Variants in ASTN2 observed in about 807,000 individuals in gnomAD.
The protein encoded by ASTN2 is astrotactin 2.
ASTN2 carries 54 observed loss-of-function variants against 139.8 expected under a neutral mutation model. That is an observed-to-expected ratio of 0.39 (90% CI 0.31 to 0.48). ASTN2 has a LOEUF of 0.48. Ranked by LOEUF, ASTN2 falls within the 20% of genes least tolerant of loss-of-function variation. The pLI, the probability that ASTN2 is intolerant of heterozygous loss-of-function variation, is 0.95. For missense variants in ASTN2, 1,565 were observed against 1,725.1 expected, an observed-to-expected ratio of 0.91 and a Z score of 1.64; for synonymous variants, 756 against 719.5, an observed-to-expected ratio of 1.05 and a Z score of -0.81.
chr9:116,539,008 C>G (rs1851764064), intron 19 of ASTN2, among the ~76,000 whole-genome samples: 1 of 152,120 alleles, frequency 6.6e-6, no homozygotes, highest in South Asian at 2.1e-4. Context: ...TTAAGAAAAA[C>G]AGCAATAAAA....
chr9:116,763,656 ATAGGGT>A (rs1829732939), intron 13 of ASTN2, among the ~76,000 whole-genome samples: 2 of 152,318 alleles, frequency 1.3e-5, no homozygotes, highest in South Asian at 4.1e-4. Flanking sequence ...GCTGTGTGAC[ATAGGGT>A]AAGGTCTTTT....
At chr9:116,543,006 T>TC (rs1369015918) in intron 19 of ASTN2, among the ~76,000 whole-genome samples, 1,853 of 152,162 alleles carry the variant, frequency 0.012, 32 homozygotes, top group African/African-American at 0.043. Flanking sequence ...AAAAAAATCA[T>TC]ATAGTATCTT....
At chr9:117,200,394 A>T (rs1831667544) in intron 3 of ASTN2, among the ~76,000 whole-genome samples, 3 of 152,138 alleles carry the variant, frequency 2.0e-5, no homozygotes, top group Admixed American at 2.0e-4. Flanking sequence ...AACTTATAAT[A>T]CTATGTTAAA....
At chr9:116,836,815 C>G (rs1254458940) in intron 11 of ASTN2, among the ~76,000 whole-genome samples, 1 of 151,928 alleles carries the variant, frequency 6.6e-6, no homozygotes, top group Non-Finnish European at 1.5e-5. Context: ...TGTATTTAGC[C>G]AGAAAAATAG....
intron 11 of ASTN2, among the ~76,000 whole-genome samples, chr9:116,839,886 T>A (rs749820155): frequency 0.21 from 27,697 of 131,856 alleles, 3,292 homozygotes; most frequent in East Asian, 0.48. Context: ...TTATTATTTT[T>A]TTTTTTTTAA....
chr9:117,322,890 G>C (rs2130834164), intron 1 of ASTN2, among the ~76,000 whole-genome samples: 1 of 152,224 alleles, frequency 6.6e-6, no homozygotes, highest in East Asian at 1.9e-4. Context: ...TCCTGTCTCT[G>C]GTGGTGTTAT....
chr9:117,026,475 T>G (rs1055410209), intron 6 of ASTN2, among the ~76,000 whole-genome samples: 3 of 152,136 alleles, frequency 2.0e-5, no homozygotes, highest in Admixed American at 1.3e-4. Context: ...TCATCAACCT[T>G]TCAGGGATCC....
intron 12 of ASTN2, among the ~76,000 whole-genome samples, chr9:116,815,167 T>C (rs753225604): frequency 6.6e-6 from 1 of 152,206 alleles, no homozygotes; most frequent in Non-Finnish European, 1.5e-5. Context: ...GGCCATTGTC[T>C]CTGTTCTGTC....
intron 19 of ASTN2, among the ~76,000 whole-genome samples, chr9:116,560,502 C>T (rs1450852540): frequency 1.3e-5 from 2 of 152,108 alleles, no homozygotes; most frequent in African/African-American, 4.8e-5. Flanking sequence ...TCTCTCTCTC[C>T]TCCCTTCATA....
In ASTN2 at chr9:116,813,609, G is replaced by T. The variant is rs573533557; in HGVS notation, c.2207+7008C>A. 1.1e-3 allele frequency among the ~76,000 whole-genome samples: 168 copies of T among 152,086 alleles called. 1 individual carries two copies. Among genetic ancestry groups the T allele is most frequent in the Non-Finnish European group, 2.0e-3 (138 of 68,022 alleles). On this transcript the variant is annotated intron_variant, in intron 12 of 22. Coordinates refer to ENST00000313400, the MANE Select transcript of ASTN2 (RefSeq NM_001365068.1). ...ATTGTGTACAAACTCTCAAAGCAAA[G>T]TATTTCTTTTTCTCATGTATTTTTT...
intron 17 of ASTN2, among the ~76,000 whole-genome samples, chr9:116,621,623 C>A (rs1044786541): frequency 1.3e-5 from 2 of 152,182 alleles, no homozygotes; most frequent in African/African-American, 4.8e-5. Flanking sequence ...ACCATACCTA[C>A]CAACACATTT....
At chr9:116,850,294 T>G (rs1209639329) in intron 11 of ASTN2, among the ~76,000 whole-genome samples, 3 of 152,188 alleles carry the variant, frequency 2.0e-5, no homozygotes, top group Admixed American at 2.0e-4. Flanking sequence ...ATGGGTGAAG[T>G]GCACATCATC....
intron 16 of ASTN2, among the ~76,000 whole-genome samples, chr9:116,694,717 C>A (rs1860755567): frequency 6.6e-6 from 1 of 150,906 alleles, no homozygotes; most frequent in Non-Finnish European, 1.5e-5. Flanking sequence ...ATGATTCGCC[C>A]ACCTCAGCCT....
chr9:116,884,559 AGGAATCTCTTGATTCCTCTGG>A (rs761659185), intron 10 of ASTN2, among the ~76,000 whole-genome samples: 253 of 152,098 alleles, frequency 1.7e-3, no homozygotes, highest in South Asian at 2.3e-3. Context: ...TGAATACCAG[AGGAATCTCTTGATTCCTCTGG>A]GGAATCTCTT....
chr9:117,039,711 A>G (rs1403075374), intron 6 of ASTN2, 108 bp downstream of exon 6: 1 of 1,205,776 alleles, frequency 8.3e-7, no homozygotes, highest in Non-Finnish European at 1.1e-6. Context: ...TCCTCCTGTA[A>G]TATATGTAAT....
intron 7 of ASTN2, among the ~76,000 whole-genome samples, chr9:117,000,213 A>C (rs1488884264): frequency 2.0e-5 from 3 of 152,204 alleles, no homozygotes; most frequent in Non-Finnish European, 4.4e-5. Flanking sequence ...TAAAAAGTTG[A>C]AATTATTCTT....
intron 19 of ASTN2, among the ~76,000 whole-genome samples, chr9:116,510,117 T>C (rs904207300): frequency 6.6e-6 from 1 of 152,220 alleles, no homozygotes; most frequent in Non-Finnish European, 1.5e-5. Flanking sequence ...CTAGGTTTTC[T>C]TCTAAGGTTT....
At chr9:117,178,409 T>C (rs1364078066) in intron 3 of ASTN2, among the ~76,000 whole-genome samples, 1 of 152,164 alleles carries the variant, frequency 6.6e-6, no homozygotes, top group Non-Finnish European at 1.5e-5. Flanking sequence ...TGATAACTTT[T>C]GGATACTGTT....
At chr9:117,008,383 G>A (rs1030329019) in intron 6 of ASTN2, 124 bp from the exon 7 acceptor site, 1 of 842,298 alleles carries the variant, frequency 1.2e-6, no homozygotes. Flanking sequence ...TTGTCTAAGT[G>A]CACTTGCAAT....
Sources: allele counts gnomAD v4.1 joint callset (sites outside exome capture counted in the v4.1 genomes callset), GRCh38; gene constraint gnomAD v4.1.1; transcripts MANE v1.5; gene names NCBI Gene and HGNC (gene_info 2026-07-23, HGNC 2026-07-21).